FFAR1: variants seen among roughly 807,000 people sequenced by gnomAD.
The protein encoded by FFAR1 is G-protein coupled receptor 40.
For synonymous variants in FFAR1, 216 were observed against 201.5 expected (o/e 1.07, Z -0.61); for missense variants, 424 against 396.2 (o/e 1.07, Z -0.60).
exon 1 of FFAR1, chr19:35,352,590 G>A: frequency 2.1e-6 from 2 of 950,028 alleles, no homozygotes; most frequent in Non-Finnish European, 3.1e-6. Context: ...GCAGAGAGCG[G>A]CGCCTGCTGA....
chr19:35,353,093 GA>G (rs36123917), exon 1 of FFAR1: 3 of 155,584 alleles, frequency 1.9e-5, no homozygotes, highest in Admixed American at 1.9e-4. Context: ...CCACGCAGTG[GA>G]AAATCTGTGC....
chr19:35,352,095 G>A (rs2145692474), exon 1 of FFAR1: 1 of 1,612,654 alleles, frequency 6.2e-7, no homozygotes, highest in Non-Finnish European at 8.5e-7. Context: ...TGCCGGCCCG[G>A]CCCGCTTCAG....
chr19:35,348,327 G>C (rs1388811657), upstream of FFAR1, among the ~76,000 whole-genome samples: 1 of 152,210 alleles, frequency 6.6e-6, no homozygotes, highest in Non-Finnish European at 1.5e-5. Context: ...GCCCAGGCGT[G>C]GTGGATCACG....
At chr19:35,351,907 G>A (rs1460193954) in exon 1 of FFAR1, 1 of 1,614,082 alleles carries the variant, frequency 6.2e-7, no homozygotes, top group Non-Finnish European at 8.5e-7. Context: ...GCCTTCCGGA[G>A]GCCGTGCTAT....
upstream of FFAR1, among the ~76,000 whole-genome samples, chr19:35,348,047 C>CT (rs756621218): frequency 1.3e-5 from 2 of 152,240 alleles, no homozygotes; most frequent in African/African-American, 2.4e-5. Context: ...TGCAAAGGGG[C>CT]TAAAGCCCAT....
upstream of FFAR1, among the ~76,000 whole-genome samples, chr19:35,348,059 C>T (rs938554446): frequency 1.3e-5 from 2 of 152,268 alleles, no homozygotes; most frequent in South Asian, 2.1e-4. Flanking sequence ...AAAGCCCATT[C>T]TCCTTAGAGG....
chr19:35,348,808 C>T (rs370199324), upstream of FFAR1, among the ~76,000 whole-genome samples: 4 of 152,166 alleles, frequency 2.6e-5, no homozygotes, highest in East Asian at 1.9e-4. Context: ...AGTCGAGAGC[C>T]GCCAAGGGTT....
exon 1 of FFAR1, chr19:35,353,201 C>G (rs1034075235): frequency 6.6e-6 from 1 of 152,216 alleles, no homozygotes. Flanking sequence ...ATATTTGAAG[C>G]CAGGCACAGT....
At chr19:35,350,433 C>T (rs1483064137), upstream of FFAR1, among the ~76,000 whole-genome samples, 2 of 152,196 alleles carry the variant, frequency 1.3e-5, no homozygotes, top group Non-Finnish European at 2.9e-5. Context: ...GCCAGTGAGG[C>T]CCGGGACCTG....
upstream of FFAR1, among the ~76,000 whole-genome samples, chr19:35,347,996 G>A (rs1044211816): frequency 5.9e-5 from 9 of 152,158 alleles, no homozygotes; most frequent in African/African-American, 1.9e-4. Flanking sequence ...TCCCCTCTCC[G>A]CTTCTCGGGT....
At chr19:35,348,053 C>T (rs1453208340), upstream of FFAR1, among the ~76,000 whole-genome samples, 1 of 152,238 alleles carries the variant, frequency 6.6e-6, no homozygotes, top group Non-Finnish European at 1.5e-5. Flanking sequence ...GGGGCTAAAG[C>T]CCATTCTCCT....
chr19:35,352,183 G>A (rs2301151), exon 1 of FFAR1: 1,247,707 of 1,604,436 alleles, frequency 0.78, 488,197 homozygotes, highest in African/African-American at 0.96. Flanking sequence ...GCACTGGCCC[G>A]CTCCGGCCTG....
upstream of FFAR1, chr19:35,351,389 TG>T (rs1387171288): frequency 1.1e-5 from 2 of 188,174 alleles, no homozygotes; most frequent in African/African-American, 2.4e-5. Context: ...CCTTTCTCTG[TG>T]GGCCTCGTTT....
chr19:35,348,987 T>C (rs1013703743), upstream of FFAR1, among the ~76,000 whole-genome samples: 3 of 152,070 alleles, frequency 2.0e-5, no homozygotes, highest in Non-Finnish European at 2.9e-5. Context: ...TGGCCATCAA[T>C]AGACATTGCT....
At chr19:35,348,532 G>C (rs572897880), upstream of FFAR1, among the ~76,000 whole-genome samples, 2 of 152,324 alleles carry the variant, frequency 1.3e-5, no homozygotes, top group East Asian at 3.9e-4. Context: ...CTGGGAGGCG[G>C]AGGTAGCGGT....
At chr19:35,351,541 A>C (rs1313939804), upstream of FFAR1, 3 of 1,538,990 alleles carry the variant, frequency 1.9e-6, no homozygotes, top group South Asian at 3.6e-5. Context: ...GCAGGCCAGG[A>C]CGGCGGCCCC....
chr19:35,353,131 C>T (rs1407762174), exon 1 of FFAR1: 2 of 154,100 alleles, frequency 1.3e-5, no homozygotes, highest in African/African-American at 4.8e-5. Context: ...CAAAGTTCAA[C>T]TACTAATAGC....
At chr19:35,351,662 T>C in exon 1 of FFAR1, 1 of 1,554,144 alleles carries the variant, frequency 6.4e-7, no homozygotes, top group Non-Finnish European at 8.7e-7. Flanking sequence ...CCCGGCTCCG[T>C]CTCACCCCTA....
exon 1 of FFAR1, chr19:35,351,977 T>C: frequency 6.2e-7 from 1 of 1,614,146 alleles, no homozygotes; most frequent in Non-Finnish European, 8.5e-7. Context: ...GTCTGGTCTT[T>C]GGGTTGGAGG....
Sources: gnomAD v4.1 joint callset for allele counts (sites outside exome capture counted in the v4.1 genomes callset) on GRCh38, gnomAD v4.1.1 for gene constraint, MANE v1.5 for transcripts, NCBI Gene and HGNC (gene_info 2026-07-23, HGNC 2026-07-21) for gene names.